Variants in GOLGA8M observed in about 807,000 individuals in gnomAD.
GOLGA8M encodes golgin subfamily A member 8M.
In GOLGA8M, 34 loss-of-function variants were observed where a neutral mutation model predicts 87.7. The ratio of observed to expected loss-of-function variants is 0.39; its 90% CI spans 0.29 to 0.52. The LOEUF is 0.52. Ranked by LOEUF, GOLGA8M falls within the 20% of genes least tolerant of loss-of-function variation. The probability of loss-of-function intolerance (pLI) is 0.80; values close to 1 mark genes in which losing one functional copy is unlikely to be tolerated. For synonymous variants in GOLGA8M, 138 were observed against 250.2 expected, an observed-to-expected ratio of 0.55 and a Z score of 4.23; for missense variants, 396 against 682.2, an observed-to-expected ratio of 0.58 and a Z score of 4.67.
At chr15:28,711,699 T>C in intron 1 of GOLGA8M, 17 of 984,950 alleles carry the variant, frequency 1.7e-5, no homozygotes, top group Non-Finnish European at 2.0e-5. Context: ...CGGCAGTTAC[T>C]AGGTGGGCTG....
rs533591732 is a variant in GOLGA8M at position 28,706,647 on chromosome 15, C to T, written c.644G>A (p.Arg215Gln). 2.9e-5 allele frequency: 45 copies of T among 1,546,258 alleles called. No individual in the cohort carries two copies. Among genetic ancestry groups the T allele is most frequent in the Admixed American group, 2.4e-4 (13 of 55,126 alleles). ...CTGCACTTTCAGTAGTGCCTCCTCCCGCATGGACTGCTCTAACTTCCACTC... is the reference window on the plus strand; with the variant it reads ...CTGCACTTTCAGTAGTGCCTCCTCCTGCATGGACTGCTCTAACTTCCACTC... ...GTEWKLEQSM[R>Q]EEALLKVQLT... Residue 215 changes from arginine (R) to glutamine (Q), a missense_variant, in exon 9 of 19, where the codon CGG becomes CAG. Coordinates refer to ENST00000563027, the MANE Select transcript of GOLGA8M (RefSeq NM_001282468.3).
chr15:28,705,312 G>A (rs2079983018), intron 12 of GOLGA8M, 85 bp from the exon 13 acceptor site: 2 of 1,484,524 alleles, frequency 1.3e-6, no homozygotes, highest in East Asian at 2.4e-5. Context: ...CACTGGGAAG[G>A]CTGGAGGCAG....
chr15:28,704,498 G>C (rs1239896708), intron 13 of GOLGA8M, among the ~76,000 whole-genome samples: 2 of 149,938 alleles, frequency 1.3e-5, no homozygotes, highest in African/African-American at 4.9e-5. Flanking sequence ...TGAAGTTAAA[G>C]AAACAGAGAC....
At chr15:28,704,896 T>C in intron 13 of GOLGA8M, 1 of 829,282 alleles carries the variant, frequency 1.2e-6, no homozygotes, top group South Asian at 1.5e-5. Context: ...ATAAGGAGCC[T>C]GTTATAGCAC....
At chr15:28,705,938 TGGGGACAC>T (rs1312326038) in intron 11 of GOLGA8M, among the ~76,000 whole-genome samples, 170 bp downstream of exon 11, 5 of 151,994 alleles carry the variant, frequency 3.3e-5, no homozygotes, top group African/African-American at 1.2e-4. Context: ...TCTTTGCTGA[TGGGGACAC>T]TGAGACACTG....
At chr15:28,704,744 A>ATTT (rs201630548) in intron 13 of GOLGA8M, among the ~76,000 whole-genome samples, 3 of 127,418 alleles carry the variant, frequency 2.4e-5, no homozygotes, top group East Asian at 3.4e-4. Flanking sequence ...TGTCCTGCTA[A>ATTT]TTTTTTTTTT....
Position 28,702,629 on chromosome 15 carries a change from C to T in GOLGA8M, c.1469+16G>A, listed in dbSNP as rs533868921. 19 of 1,610,426 alleles carry T rather than the reference C, an allele frequency of 1.2e-5. No homozygotes were observed. Among genetic ancestry groups the T allele is most frequent in the South Asian group, 1.1e-4 (10 of 91,054 alleles). On this transcript the variant is annotated intron_variant, in intron 16 of 18. Transcript: ENST00000563027. ...GTCCTGCAGCTCCCCCTGCCGTGCC[C>T]TGGCCTCCCACTCACTGATGGCATC...
intron 16 of GOLGA8M, 22 bp downstream of exon 16, chr15:28,702,623 C>T (rs756440650): frequency 1.5e-4 from 249 of 1,609,744 alleles, no homozygotes; most frequent in Middle Eastern, 3.4e-4. Flanking sequence ...CTCCCCCTGC[C>T]GTGCCCTGGC....
chr15:28,705,547 C>G lies in GOLGA8M; in HGVS notation c.1067G>C (p.Arg356Thr). ...AAGGCTCTTGTGCTGCTCCTGAATC[C>G]TCTCCTCCTGCTTCCGAAGCCTCTC... ...QEERLRKQEE[R>T]IQEQHKSLQQ... Residue 356 changes from arginine to threonine, a missense_variant, in exon 12 of 19, where the codon AGG (arginine) becomes ACG (threonine). Arg to Thr is a moderately conservative substitution (Grantham distance 71, BLOSUM62 -1). This residue lies in a region of GOLGA8M where 7 missense variants were observed against 28.8 expected (regional missense o/e 0.24). Transcript: ENST00000563027. 6.4e-7 allele frequency: 1 copy of G among 1,556,196 alleles called. No homozygotes were observed. The highest frequency in any genetic ancestry group is 1.1e-5 in the South Asian group (1 of 87,370).
chr15:28,709,794 G>A lies in GOLGA8M; in HGVS notation c.169-206C>T, dbSNP rs554665550. 1.2e-4 allele frequency among the ~76,000 whole-genome samples: 18 copies of A among 151,794 alleles called. No individual in the cohort carries two copies. In the South Asian group the frequency reaches 3.6e-3, roughly 30 times the overall value. On this transcript the variant is annotated intron_variant, in intron 2 of 18. Transcript: ENST00000563027. ...GGGGCCCCTTCAGTGACTCCTGATGGCAAGTGGCTGTTCTCATTGTCCTGG... is the reference window on the plus strand; with the variant it reads ...GGGGCCCCTTCAGTGACTCCTGATGACAAGTGGCTGTTCTCATTGTCCTGG...
chr15:28,712,447 C>T, upstream of GOLGA8M: 4 of 1,604,218 alleles, frequency 2.5e-6, no homozygotes, highest in Non-Finnish European at 3.4e-6. Flanking sequence ...TAACCAGGGC[C>T]CCAGTAGAAT....
At chr15:28,702,780 C>T (rs748816156) in intron 15 of GOLGA8M, 35 bp from the exon 16 acceptor site, 37 of 1,592,836 alleles carry the variant, frequency 2.3e-5, no homozygotes, top group Middle Eastern at 2.0e-4. Flanking sequence ...ATCTCGGCAG[C>T]GACCTGCCCT....
chr15:28,699,775 AG>A lies in GOLGA8M; in HGVS notation c.*2178del. Among the ~76,000 whole-genome samples, 1 of 84,670 alleles carries A rather than the reference AG, an allele frequency of 1.2e-5. No individual in the cohort carries two copies. The highest frequency in any genetic ancestry group is 2.1e-5 in the Non-Finnish European group (1 of 48,540). 55.5% of individuals were successfully genotyped at this position (84,670 alleles called of 152,430 possible). On this transcript the variant is annotated 3_prime_UTR_variant, in exon 19 of 19. Transcript: ENST00000563027. ...ATAAACCCAGTTTCAGAATGATAAAAGAAAAAACGTTAGACCAAATAATGTG... is the reference window on the plus strand; with the variant it reads ...ATAAACCCAGTTTCAGAATGATAAAAAAAAAACGTTAGACCAAATAATGTG...
At chr15:28,708,766 G>T (rs976388948) in intron 4 of GOLGA8M, among the ~76,000 whole-genome samples, 1 of 152,008 alleles carries the variant, frequency 6.6e-6, no homozygotes, top group South Asian at 2.1e-4. Flanking sequence ...GACCAGGTAC[G>T]GTTCTTTACA....
Position 28,705,720 on chromosome 15 carries a change from C to T in GOLGA8M, c.894G>A (p.Glu298=). ...KNQMAEPLPP[E]PPAVPSEVEL... is the part of the protein sequence containing the mutation. ...CCACCTCAGAGGGCACTGCTGGGGG[C>T]TCCGGGGGCAAGGGTTCAGCTGAGA... The change falls in exon 12 of 19, where the codon GAG becomes GAA. Residue 298 remains glutamate, a synonymous_variant. Transcript: ENST00000563027. 1.3e-6 allele frequency: 2 copies of T among 1,575,930 alleles called. No individual in the cohort carries two copies. The highest frequency in any genetic ancestry group is 1.7e-6 in the Non-Finnish European group (2 of 1,176,384).
intron 6 of GOLGA8M, 42 bp downstream of exon 6, chr15:28,708,084 A>C (rs379787): frequency 3.7e-5 from 60 of 1,608,082 alleles, no homozygotes; most frequent in East Asian, 2.5e-4. Context: ...GGAAAGAAAC[A>C]TTCTCCGGAG....
In GOLGA8M at chr15:28,703,194, C is replaced by T. The variant is rs909676747; in HGVS notation, c.1368+125G>A. On this transcript the variant is annotated intron_variant, in intron 15 of 18. Transcript: ENST00000563027. ...GGCCACAGGTGAAATGGTGTCTGAC[C>T]ACTGGCTCTCAGAAGGGGTGAGGGT... The T allele has an allele frequency of 7.3e-6, 7 of 962,852 alleles. 1 individual carries two copies. In the Admixed American group the frequency reaches 1.3e-4, roughly 18 times the overall value. 59.6% of individuals were successfully genotyped at this position (962,852 alleles called of 1,614,324 possible).
At chr15:28,704,104 T>C (rs539937058) in intron 13 of GOLGA8M, among the ~76,000 whole-genome samples, 187 bp from the exon 14 acceptor site, 5 of 147,666 alleles carry the variant, frequency 3.4e-5, no homozygotes, top group Non-Finnish European at 7.4e-5. Flanking sequence ...AGTCACTGCC[T>C]GTACAGCGCC....
intron 8 of GOLGA8M, among the ~76,000 whole-genome samples, 186 bp from the exon 9 acceptor site, chr15:28,706,885 G>A (rs71261841): frequency 0.042 from 5,397 of 128,252 alleles, 493 homozygotes; most frequent in African/African-American, 0.086. Flanking sequence ...ATGAGATTGA[G>A]TTTATAGCTG....
Sources: allele counts gnomAD v4.1 joint callset (sites outside exome capture counted in the v4.1 genomes callset), GRCh38; gene constraint gnomAD v4.1.1; regional missense constraint gnomAD v4.1.1; transcripts MANE v1.5; gene names NCBI Gene and HGNC (gene_info 2026-07-23, HGNC 2026-07-21).